GRM8: variants seen among roughly 807,000 people sequenced by gnomAD.
GRM8 encodes glutamate metabotropic receptor 8, also known as metabotropic glutamate receptor 8.
GRM8 carries 47 observed loss-of-function variants against 87.2 expected under a neutral mutation model. The ratio of observed to expected loss-of-function variants is 0.54; its 90% CI spans 0.43 to 0.69. GRM8 has a LOEUF of 0.69. GRM8 is among the 30% of genes least tolerant of loss of function. GRM8 has a pLI of 0.00. For missense variants in GRM8, 1,019 were observed against 1,139.2 expected, an observed-to-expected ratio of 0.89 and a Z score of 1.52; for synonymous variants, 396 against 404.5, an observed-to-expected ratio of 0.98 and a Z score of 0.25.
chr7:126,665,542 C>T (rs754955733), intron 7 of GRM8, among the ~76,000 whole-genome samples: 8 of 151,922 alleles, frequency 5.3e-5, no homozygotes, highest in Non-Finnish European at 8.8e-5. Flanking sequence ...TAAGTGAGAA[C>T]TAAGCATTGG....
At chr7:126,998,588 A>T (rs1398693022) in intron 3 of GRM8, among the ~76,000 whole-genome samples, 1 of 151,832 alleles carries the variant, frequency 6.6e-6, no homozygotes, top group Non-Finnish European at 1.5e-5. Flanking sequence ...CAGAATAAAA[A>T]ATCAATATAA....
At chr7:127,057,528 AG>A (rs1232684461) in intron 3 of GRM8, among the ~76,000 whole-genome samples, 1 of 152,192 alleles carries the variant, frequency 6.6e-6, no homozygotes, top group Non-Finnish European at 1.5e-5. Context: ...AAACATATAA[AG>A]GTTTTTCCAA....
chr7:126,814,332 C>G lies in GRM8; in HGVS notation c.1157-44267G>C, dbSNP rs201443806. 7.2e-5 allele frequency among the ~76,000 whole-genome samples: 11 copies of G among 152,178 alleles called. No individual in the cohort carries two copies. In the East Asian group the frequency reaches 1.9e-3, roughly 27 times the overall value. On this transcript the variant is annotated intron_variant, in intron 6 of 10. Transcript: ENST00000339582. Reference sequence around the variant, plus strand: ...ATTAGAAAAAACTGTTCTTGAACCTCCCCTGTAAGGGACCTTATCAGATAC... The same window carrying G: ...ATTAGAAAAAACTGTTCTTGAACCTGCCCTGTAAGGGACCTTATCAGATAC...
chr7:127,036,317 G>A (rs186923011), intron 3 of GRM8, among the ~76,000 whole-genome samples: 113 of 152,170 alleles, frequency 7.4e-4, no homozygotes, highest in East Asian at 2.5e-3. Flanking sequence ...CTGTTCAGTC[G>A]CATATCCTAA....
intron 6 of GRM8, among the ~76,000 whole-genome samples, chr7:126,786,513 A>T (rs544745861): frequency 6.6e-6 from 1 of 152,282 alleles, no homozygotes; most frequent in South Asian, 2.1e-4. Context: ...TGCACATGGT[A>T]ACATCTCAAA....
chr7:127,112,854 C>A (rs1424300658), intron 2 of GRM8, among the ~76,000 whole-genome samples: 2 of 152,186 alleles, frequency 1.3e-5, no homozygotes, highest in Non-Finnish European at 2.9e-5. Flanking sequence ...CCTTGACAGC[C>A]CACGGACTTC....
At chr7:126,855,627 C>T (rs1797608338) in intron 6 of GRM8, among the ~76,000 whole-genome samples, 3 of 152,038 alleles carry the variant, frequency 2.0e-5, no homozygotes, top group Admixed American at 2.0e-4. Flanking sequence ...AGGCATGTAC[C>T]AGCATGCCTG....
chr7:127,038,611 T>C (rs1292916513), intron 3 of GRM8, among the ~76,000 whole-genome samples: 1 of 152,196 alleles, frequency 6.6e-6, no homozygotes, highest in Non-Finnish European at 1.5e-5. Context: ...CCTACAAGTA[T>C]ATTCTTGTCA....
chr7:126,660,854 C>G (rs1805084610), intron 7 of GRM8, among the ~76,000 whole-genome samples: 1 of 152,166 alleles, frequency 6.6e-6, no homozygotes, highest in African/African-American at 2.4e-5. Context: ...GTGAACTTTT[C>G]TGCCCAAATT....
intron 6 of GRM8, among the ~76,000 whole-genome samples, chr7:126,885,610 T>C (rs1156684911): frequency 6.6e-6 from 1 of 152,138 alleles, no homozygotes; most frequent in East Asian, 1.9e-4. Context: ...TCTATTCTTG[T>C]TTTTTGTAGC....
At chr7:127,012,009 A>G (rs574464752) in intron 3 of GRM8, among the ~76,000 whole-genome samples, 1 of 152,322 alleles carries the variant, frequency 6.6e-6, no homozygotes, top group Admixed American at 6.5e-5. Flanking sequence ...GTATTGAAGG[A>G]AAAACAACAT....
chr7:126,493,996 G>C (rs1808385068), intron 9 of GRM8, among the ~76,000 whole-genome samples: 1 of 152,004 alleles, frequency 6.6e-6, no homozygotes, highest in African/African-American at 2.4e-5. Context: ...CTGCGGAGCT[G>C]CTTCCTCTCT....
intron 7 of GRM8, among the ~76,000 whole-genome samples, chr7:126,765,850 G>C (rs575064103): frequency 6.6e-6 from 1 of 152,172 alleles, no homozygotes; most frequent in South Asian, 2.1e-4. Context: ...GATACACTGT[G>C]ATTCAGAATG....
At chr7:126,999,517 T>C (rs1410950925) in intron 3 of GRM8, among the ~76,000 whole-genome samples, 3 of 151,720 alleles carry the variant, frequency 2.0e-5, no homozygotes, top group East Asian at 1.9e-4. Context: ...AACCAAAATA[T>C]AGCAGTAGCT....
chr7:127,092,976 G>A (rs186147035), intron 3 of GRM8, among the ~76,000 whole-genome samples: 1 of 152,318 alleles, frequency 6.6e-6, no homozygotes, highest in Admixed American at 6.5e-5. Flanking sequence ...TTCTGTGTGT[G>A]CCCACAAAAA....
chr7:127,171,052 C>T (rs1193997048), intron 2 of GRM8, among the ~76,000 whole-genome samples: 2 of 152,022 alleles, frequency 1.3e-5, no homozygotes, highest in African/African-American at 2.4e-5. Flanking sequence ...TCAACATTAA[C>T]AGGAGTTTGG....
Position 127,056,611 on chromosome 7 carries a change from C to T in GRM8, c.727+49885G>A, listed in dbSNP as rs560094152. 1.4e-4 allele frequency among the ~76,000 whole-genome samples: 21 copies of T among 152,212 alleles called. No homozygotes were observed. The South Asian group carries it at 2.9e-3, about 21-fold the overall frequency. The stretch of plus-strand genomic sequence containing the variant: ...GCAAGCAAGTAAAATGTATACACAC[C>T]GGCAAAATCTAAAAATAGCTCCATT... On this transcript the variant is annotated intron_variant, in intron 3 of 10. Transcript: ENST00000339582.
intron 6 of GRM8, among the ~76,000 whole-genome samples, chr7:126,800,187 T>C (rs1458334003): frequency 6.6e-6 from 1 of 152,092 alleles, no homozygotes; most frequent in Non-Finnish European, 1.5e-5. Context: ...CCAAATTACT[T>C]TGTGGTTCCT....
chr7:126,745,392 A>ATATATTATATTATATCATATTATAT (rs1815530270), intron 7 of GRM8, among the ~76,000 whole-genome samples: 1 of 146,176 alleles, frequency 6.8e-6, no homozygotes, highest in Non-Finnish European at 1.5e-5. Flanking sequence ...AGACATAGTC[A>ATATATTATATTATATCATATTATAT]TATATTATAT....
Sources: gnomAD v4.1 joint callset for allele counts (sites outside exome capture counted in the v4.1 genomes callset) on GRCh38, gnomAD v4.1.1 for gene constraint, MANE v1.5 for transcripts, NCBI Gene and HGNC (gene_info 2026-07-23, HGNC 2026-07-21) for gene names.